Variants in PPP3CA observed in about 807,000 individuals in gnomAD.
PPP3CA encodes the protein protein phosphatase 3 catalytic subunit alpha.
Under a neutral mutation model 66.5 loss-of-function variants are expected in PPP3CA, and 14 were observed. The ratio of observed to expected loss-of-function variants is 0.21; its 90% CI spans 0.14 to 0.33. The LOEUF (loss-of-function observed/expected upper bound fraction) is 0.33. PPP3CA is among the 10% of genes least tolerant of loss of function. The pLI is 1.00. For missense variants in PPP3CA, 317 were observed against 639.5 expected (o/e 0.50, Z 5.44); for synonymous variants, 232 against 226.2 (o/e 1.03, Z -0.23).
chr4:101,117,406 G>C (rs937695683), intron 2 of PPP3CA, among the ~76,000 whole-genome samples: 1 of 149,332 alleles, frequency 6.7e-6, no homozygotes, highest in Non-Finnish European at 1.5e-5. Context: ...CTATGTTTAT[G>C]TTTTTGTCCT....
At chr4:101,278,298 C>T (rs940153764) in intron 1 of PPP3CA, among the ~76,000 whole-genome samples, 2 of 151,932 alleles carry the variant, frequency 1.3e-5, no homozygotes, top group Admixed American at 1.3e-4. Context: ...TTAAAGATTG[C>T]TTAGTCTACC....
chr4:101,284,470 G>C (rs1283936984), intron 1 of PPP3CA, among the ~76,000 whole-genome samples: 3 of 151,986 alleles, frequency 2.0e-5, no homozygotes, highest in Non-Finnish European at 4.4e-5. Flanking sequence ...TTTTGTTTCT[G>C]AACAGTACTT....
intron 1 of PPP3CA, among the ~76,000 whole-genome samples, chr4:101,284,037 CT>C (rs1407501822): frequency 1.3e-5 from 2 of 152,174 alleles, no homozygotes; most frequent in Non-Finnish European, 2.9e-5. Context: ...TGACTATTGA[CT>C]ACCATGCTGG....
intron 1 of PPP3CA, among the ~76,000 whole-genome samples, chr4:101,340,600 G>T (rs1046321920): frequency 6.6e-6 from 1 of 152,142 alleles, no homozygotes; most frequent in Admixed American, 6.5e-5. Context: ...AAATATAATT[G>T]ATGGATTCAT....
At chr4:101,187,468 T>A (rs1415093287) in intron 2 of PPP3CA, among the ~76,000 whole-genome samples, 1 of 152,152 alleles carries the variant, frequency 6.6e-6, no homozygotes. Flanking sequence ...GAATGGATAT[T>A]TTATATCAAT....
At position 101,084,515 on chromosome 4, in the gene PPP3CA, C is replaced by T. The variant is rs191034532; in HGVS notation, c.783-1252G>A. 6.7e-4 allele frequency among the ~76,000 whole-genome samples: 101 copies of T among 151,846 alleles called. 1 individual carries two copies. The highest frequency in any genetic ancestry group is 2.3e-3 in the African/African-American group (97 of 41,374). ...AAAACTAGCCAGGCTTAGGGGTGGG[C>T]GCCTGTAATCCCAACTACTCGGGAG... On this transcript the variant is annotated intron_variant, in intron 6 of 13. Transcript: ENST00000394854.
At chr4:101,064,174 C>T (rs1728587473) in intron 8 of PPP3CA, among the ~76,000 whole-genome samples, 1 of 151,940 alleles carries the variant, frequency 6.6e-6, no homozygotes, top group African/African-American at 2.4e-5. Context: ...GAAGACAAAT[C>T]TGCATGCTTC....
At chr4:101,298,841 C>CTG (rs57507050) in intron 1 of PPP3CA, among the ~76,000 whole-genome samples, 5,882 of 139,932 alleles carry the variant, frequency 0.042, 130 homozygotes, top group Middle Eastern at 0.051. Flanking sequence ...CAAGGGTCTA[C>CTG]TGTGTGTGTG....
chr4:101,050,281 G>C (rs948026919), intron 10 of PPP3CA, among the ~76,000 whole-genome samples: 11 of 152,240 alleles, frequency 7.2e-5, no homozygotes, highest in Admixed American at 2.0e-4. Flanking sequence ...GGGCCAAATG[G>C]CTGTGAGGTG....
At chr4:101,213,388 T>C (rs1725366190) in intron 1 of PPP3CA, among the ~76,000 whole-genome samples, 3 of 152,184 alleles carry the variant, frequency 2.0e-5, no homozygotes, top group South Asian at 2.1e-4. Flanking sequence ...TTAAGTCAAA[T>C]ATGATTTGAA....
intron 1 of PPP3CA, among the ~76,000 whole-genome samples, chr4:101,307,203 A>C (rs1236015765): frequency 6.6e-6 from 1 of 151,454 alleles, no homozygotes; most frequent in East Asian, 1.9e-4. Flanking sequence ...CTGTTGGTAC[A>C]GTGTATTTAT....
chr4:101,103,492 A>T (rs1730535051), intron 3 of PPP3CA, among the ~76,000 whole-genome samples: 1 of 152,218 alleles, frequency 6.6e-6, no homozygotes, highest in Non-Finnish European at 1.5e-5. Flanking sequence ...GGAGACAGCC[A>T]GGCAATTTCT....
At chr4:101,301,806 T>C (rs1328485398) in intron 1 of PPP3CA, among the ~76,000 whole-genome samples, 1 of 148,894 alleles carries the variant, frequency 6.7e-6, no homozygotes, top group African/African-American at 2.5e-5. Flanking sequence ...AGCAGTATTA[T>C]ATAGCACCAT....
intron 2 of PPP3CA, among the ~76,000 whole-genome samples, chr4:101,130,129 C>A (rs1722382437): frequency 6.6e-6 from 1 of 151,528 alleles, no homozygotes. Flanking sequence ...GCCAAATTGA[C>A]CAAGCGGAAG....
At chr4:101,153,091 A>G (rs1382962112) in intron 2 of PPP3CA, among the ~76,000 whole-genome samples, 1 of 152,158 alleles carries the variant, frequency 6.6e-6, no homozygotes, top group Non-Finnish European at 1.5e-5. Context: ...GAAAGCAGAA[A>G]GCAGAAAGCA....
At chr4:101,045,532 G>A (rs933619347) in intron 10 of PPP3CA, among the ~76,000 whole-genome samples, 3 of 152,090 alleles carry the variant, frequency 2.0e-5, no homozygotes, top group African/African-American at 4.8e-5. Context: ...ATAAATAAAC[G>A]CCAAAAAGAA....
chr4:101,318,188 G>T (rs561302823), intron 1 of PPP3CA, among the ~76,000 whole-genome samples: 1 of 152,188 alleles, frequency 6.6e-6, no homozygotes, highest in South Asian at 2.1e-4. Flanking sequence ...ACCACAGAAT[G>T]ATATAAAAAA....
intron 1 of PPP3CA, among the ~76,000 whole-genome samples, chr4:101,225,578 CT>C (rs1479879610): frequency 6.6e-6 from 1 of 151,700 alleles, no homozygotes; most frequent in Admixed American, 6.6e-5. Flanking sequence ...TTCCAGAATG[CT>C]GGTATCAGTT....
intron 1 of PPP3CA, among the ~76,000 whole-genome samples, chr4:101,335,695 C>T (rs147040381): frequency 1.3e-5 from 2 of 152,194 alleles, no homozygotes; most frequent in East Asian, 3.9e-4. Context: ...AAGGGTATCT[C>T]GGGATGCTAA....
Sources: gnomAD v4.1 joint callset for allele counts (sites outside exome capture counted in the v4.1 genomes callset) on GRCh38, gnomAD v4.1.1 for gene constraint, MANE v1.5 for transcripts, NCBI Gene and HGNC (gene_info 2026-07-23, HGNC 2026-07-21) for gene names.